Variants in BAIAP2L1 observed in about 807,000 individuals in gnomAD.
BAIAP2L1 encodes the protein BAR/IMD domain-containing adapter protein 2-like 1.
In BAIAP2L1, 35 loss-of-function variants were observed where a neutral mutation model predicts 66.3. That is an observed-to-expected ratio of 0.53 (90% confidence interval 0.40 to 0.70). BAIAP2L1 has a LOEUF of 0.70. Among genes scored for constraint, BAIAP2L1 ranks in the 30% least tolerant of loss-of-function variants. BAIAP2L1 has a pLI of 0.00. For missense variants in BAIAP2L1, 622 were observed against 656.9 expected (o/e 0.95, Z 0.58); for synonymous variants, 269 against 248.7 (o/e 1.08, Z -0.77).
chr7:98,380,641 C>G (rs1309342989), intron 1 of BAIAP2L1, among the ~76,000 whole-genome samples: 1 of 151,610 alleles, frequency 6.6e-6, no homozygotes, highest in Non-Finnish European at 1.5e-5. Flanking sequence ...CCATATCACC[C>G]AGGCTGGTTT....
At chr7:98,355,936 G>A (rs956960003) in intron 2 of BAIAP2L1, among the ~76,000 whole-genome samples, 3 of 152,102 alleles carry the variant, frequency 2.0e-5, no homozygotes, top group African/African-American at 7.2e-5. Flanking sequence ...TTGTTGCCAG[G>A]AGAGAATATA....
chr7:98,312,579 T>C (rs1800912066), intron 7 of BAIAP2L1, among the ~76,000 whole-genome samples: 1 of 152,190 alleles, frequency 6.6e-6, no homozygotes, highest in South Asian at 2.1e-4. Flanking sequence ...GAGCAATCTG[T>C]ATGAATCCCG....
intron 1 of BAIAP2L1, among the ~76,000 whole-genome samples, chr7:98,367,968 C>T (rs190627473): frequency 6.6e-6 from 1 of 152,112 alleles, no homozygotes; most frequent in Non-Finnish European, 1.5e-5. Context: ...TGTAGGTTGC[C>T]ACGACCATCA....
At position 98,362,073 on chromosome 7, in the gene BAIAP2L1, AT is replaced by A. The variant is rs544640663; in HGVS notation, c.127+283del. Among the ~76,000 whole-genome samples, 55 of 152,312 alleles carry A rather than the reference AT, an allele frequency of 3.6e-4. 1 individual carries two copies. In the South Asian group the frequency reaches 0.011, roughly 31 times the overall value. On this transcript the variant is annotated intron_variant, in intron 2 of 13. Transcript: ENST00000005260. ...TAACTTATAAATGTCTCATGTACACATTTTATATTTGTTAGTTTACCAAGAA... is the reference window on the plus strand; with the variant it reads ...TAACTTATAAATGTCTCATGTACACATTTATATTTGTTAGTTTACCAAGAA...
At chr7:98,357,041 A>T (rs1802147339) in intron 2 of BAIAP2L1, among the ~76,000 whole-genome samples, 1 of 17,608 alleles carries the variant, frequency 5.7e-5, no homozygotes, top group Non-Finnish European at 9.9e-5. Flanking sequence ...ATATATATAT[A>T]TATATATATT....
At chr7:98,357,591 ATATT>A (rs1351866106) in intron 2 of BAIAP2L1, among the ~76,000 whole-genome samples, 2 of 149,900 alleles carry the variant, frequency 1.3e-5, no homozygotes, top group Non-Finnish European at 3.0e-5. Flanking sequence ...AAGTACATAT[ATATT>A]TATATATATA....
chr7:98,336,389 G>C (rs1801617759), intron 3 of BAIAP2L1, among the ~76,000 whole-genome samples: 1 of 152,160 alleles, frequency 6.6e-6, no homozygotes, highest in South Asian at 2.1e-4. Context: ...CGAGACAGGC[G>C]AATCACTTGA....
intron 2 of BAIAP2L1, among the ~76,000 whole-genome samples, chr7:98,356,429 C>T (rs1418422518): frequency 1.3e-5 from 2 of 152,080 alleles, no homozygotes; most frequent in African/African-American, 4.8e-5. Flanking sequence ...CCTCGGGAAT[C>T]CCAGAGGCTA....
intron 2 of BAIAP2L1, among the ~76,000 whole-genome samples, chr7:98,357,020 A>AAAAAAAAAAATAT (rs1554337328): frequency 3.6e-5 from 1 of 28,098 alleles, no homozygotes; most frequent in Non-Finnish European, 5.1e-5. Flanking sequence ...AAAAAAAAAA[A>AAAAAAAAAAATAT]ATATATATAT....
At chr7:98,370,372 CAAAAAAAAAA>C (rs397890051) in intron 1 of BAIAP2L1, among the ~76,000 whole-genome samples, 22 of 103,382 alleles carry the variant, frequency 2.1e-4, no homozygotes, top group African/African-American at 8.4e-4. Flanking sequence ...GGCTCCGTCT[CAAAAAAAAAA>C]AAAAAAAAAG....
intron 1 of BAIAP2L1, among the ~76,000 whole-genome samples, chr7:98,383,326 C>G (rs955438515): frequency 6.7e-6 from 1 of 148,858 alleles, no homozygotes; most frequent in African/African-American, 2.5e-5. Flanking sequence ...TCTTGTTGAC[C>G]AGGCTGGAGT....
At position 98,292,099 on chromosome 7, in the gene BAIAP2L1, T is replaced by C. The variant is rs1204711693; in HGVS notation, c.*1422A>G. ...TCCCAGGAGAAGCAGATGGTAACACTGCTGGACCTGGCTGGAAGGAGCCTG... is the reference window on the plus strand; with the variant it reads ...TCCCAGGAGAAGCAGATGGTAACACCGCTGGACCTGGCTGGAAGGAGCCTG... On this transcript the variant is annotated 3_prime_UTR_variant, in exon 14 of 14. Coordinates refer to ENST00000005260, the MANE Select transcript of BAIAP2L1 (RefSeq NM_018842.5). 6.4e-6 allele frequency: 1 copy of C among 155,146 alleles called. No homozygotes were observed. Among genetic ancestry groups the C allele is most frequent in the Admixed American group, 6.4e-5 (1 of 15,590 alleles). 9.6% of individuals were successfully genotyped at this position (155,146 alleles called of 1,614,324 possible). A position where few individuals can be genotyped will look rare whatever the true frequency, so the allele number is the denominator to read the frequency against.
At chr7:98,378,833 C>T (rs1482446761) in intron 1 of BAIAP2L1, among the ~76,000 whole-genome samples, 1 of 151,208 alleles carries the variant, frequency 6.6e-6, no homozygotes, top group Non-Finnish European at 1.5e-5. Flanking sequence ...GCAGAAGGCT[C>T]ACTCTTTTTT....
chr7:98,376,949 C>T (rs1199270957), intron 1 of BAIAP2L1, among the ~76,000 whole-genome samples: 1 of 152,122 alleles, frequency 6.6e-6, no homozygotes, highest in Non-Finnish European at 1.5e-5. Flanking sequence ...TTAAAGTTGA[C>T]TTTAAATAAA....
chr7:98,306,371 G>T, intron 11 of BAIAP2L1, 68 bp downstream of exon 11: 1 of 1,563,148 alleles, frequency 6.4e-7, no homozygotes, highest in Non-Finnish European at 8.8e-7. Flanking sequence ...GCTAGATGGT[G>T]GTGTGTTACA....
chr7:98,307,851 G>A lies in BAIAP2L1; in HGVS notation c.1001C>T (p.Thr334Met), dbSNP rs745321866. 2.5e-6 allele frequency: 4 copies of A among 1,614,208 alleles called. No individual in the cohort carries two copies. The highest frequency in any genetic ancestry group is 2.2e-5 in the South Asian group (2 of 91,084). ...PSLQRSVSVA[T>M]GLNMMKKQKV... ...CTGCTTCTTCATCATGTTCAGTCCC[G>A]TTGCAACCGAAACTGATCGCTGTAA... Residue 334 changes from threonine to methionine, a missense_variant, in exon 10 of 14, where the codon ACG becomes ATG. Coordinates refer to ENST00000005260, the MANE Select transcript of BAIAP2L1 (RefSeq NM_018842.5).
chr7:98,331,484 T>TTTG (rs1554415348), intron 3 of BAIAP2L1, among the ~76,000 whole-genome samples: 1 of 142,922 alleles, frequency 7.0e-6, no homozygotes, highest in Admixed American at 6.9e-5. Context: ...TTTTTTTTTT[T>TTTG]GGAGACAGAC....
chr7:98,387,099 C>T (rs1802913267), intron 1 of BAIAP2L1, among the ~76,000 whole-genome samples: 1 of 152,092 alleles, frequency 6.6e-6, no homozygotes, highest in African/African-American at 2.4e-5. Context: ...CATATTGAGA[C>T]AAAACCAAGT....
At chr7:98,295,249 C>T (rs541200723) in intron 12 of BAIAP2L1, among the ~76,000 whole-genome samples, 6 of 152,286 alleles carry the variant, frequency 3.9e-5, no homozygotes, top group African/African-American at 7.2e-5. Context: ...GCTGTGGAGA[C>T]GGAAGGCAGT....
Sources: allele counts gnomAD v4.1 joint callset (sites outside exome capture counted in the v4.1 genomes callset), GRCh38; gene constraint gnomAD v4.1.1; transcripts MANE v1.5; gene names NCBI Gene and HGNC (gene_info 2026-07-23, HGNC 2026-07-21).